CCDC25: variants seen among roughly 807,000 people sequenced by gnomAD.
CCDC25 encodes the protein coiled-coil domain-containing protein 25.
Under a neutral mutation model 35.3 loss-of-function variants are expected in CCDC25, and 16 were observed. The ratio of observed to expected loss-of-function variants is 0.45; its 90% CI spans 0.31 to 0.69. CCDC25 has a LOEUF of 0.69. CCDC25 is among the 30% of genes least tolerant of loss of function. The pLI is 0.06. For missense variants in CCDC25, 179 were observed against 250.7 expected (o/e 0.71, Z 1.93); for synonymous variants, 79 against 80.3 (o/e 0.98, Z 0.09).
At chr8:27,740,407 C>T (rs1803394916) in intron 8 of CCDC25, 65 bp downstream of exon 8, 1 of 1,499,176 alleles carries the variant, frequency 6.7e-7, no homozygotes, top group East Asian at 2.3e-5. Flanking sequence ...GCCAGTAACA[C>T]AATTATTAAA....
chr8:27,753,609 T>C (rs1416815168), intron 4 of CCDC25, among the ~76,000 whole-genome samples: 1 of 152,188 alleles, frequency 6.6e-6, no homozygotes, highest in Non-Finnish European at 1.5e-5. Flanking sequence ...GAACTTGTAT[T>C]CAAACAAATA....
chr8:27,760,650 A>T (rs1804195299), intron 3 of CCDC25, among the ~76,000 whole-genome samples: 1 of 152,194 alleles, frequency 6.6e-6, no homozygotes, highest in Non-Finnish European at 1.5e-5. Context: ...CATTGTCCTC[A>T]TACAGCTTAC....
At chr8:27,759,288 A>G (rs1436955027) in intron 3 of CCDC25, among the ~76,000 whole-genome samples, 1 of 152,136 alleles carries the variant, frequency 6.6e-6, no homozygotes, top group Non-Finnish European at 1.5e-5. Context: ...GTAAATACAC[A>G]CTATTTCTAT....
chr8:27,740,340 G>T, intron 8 of CCDC25, 132 bp downstream of exon 8: 1 of 771,270 alleles, frequency 1.3e-6, no homozygotes, highest in Non-Finnish European at 2.2e-6. Context: ...TCCAGCCTGA[G>T]TGGTGTCCTG....
intron 5 of CCDC25, among the ~76,000 whole-genome samples, chr8:27,750,047 T>TG (rs1210277043): frequency 2.6e-5 from 4 of 152,198 alleles, no homozygotes; most frequent in African/African-American, 9.6e-5. Flanking sequence ...CAAGGCACTG[T>TG]GGGGGACACA....
chr8:27,772,283 T>C (rs568773569), intron 1 of CCDC25, among the ~76,000 whole-genome samples: 2 of 152,110 alleles, frequency 1.3e-5, no homozygotes, highest in Admixed American at 6.5e-5. Context: ...GATACAAACA[T>C]AGCAGTGGCA....
intron 1 of CCDC25, among the ~76,000 whole-genome samples, chr8:27,769,305 GA>G (rs150899821): frequency 4.0e-5 from 6 of 149,648 alleles, no homozygotes; most frequent in African/African-American, 9.8e-5. Flanking sequence ...GGAAGTCAAT[GA>G]AAAAAAAACA....
chr8:27,747,036 A>G (rs1803626852), intron 7 of CCDC25, among the ~76,000 whole-genome samples: 1 of 152,226 alleles, frequency 6.6e-6, no homozygotes, highest in South Asian at 2.1e-4. Context: ...AAATAAACAA[A>G]CATGGAAAAA....
intron 3 of CCDC25, among the ~76,000 whole-genome samples, chr8:27,757,072 G>A (rs144671891): frequency 1.1e-4 from 17 of 152,304 alleles, no homozygotes; most frequent in African/African-American, 3.6e-4. Flanking sequence ...AGTGATCAAA[G>A]GCTTCATGAT....
rs1305080234 is a variant in CCDC25 at position 27,737,387 on chromosome 8, TGTCATCAACGAAA to T, written c.598-1155_598-1143del. Among the ~76,000 whole-genome samples the T allele has an allele frequency of 6.6e-6, 1 of 152,182 alleles. No individual in the cohort carries two copies. Among genetic ancestry groups the T allele is most frequent in the Admixed American group, 6.6e-5 (1 of 15,264 alleles). The stretch of plus-strand genomic sequence containing the variant: ...AACAACTCAGTAAGACAGTCTGGGT[TGTCATCAACGAAA>T]GTAAGCCATTCCCTATAAAGGCTGT... On this transcript the variant is annotated intron_variant, in intron 8 of 8. Coordinates refer to ENST00000356537, the MANE Select transcript of CCDC25 (RefSeq NM_018246.3). This position sits in a 1 kb window ranked among gnomAD's most constrained non-coding sequence, Gnocchi z 4.6.
At chr8:27,754,846 C>T (rs1400837424) in intron 4 of CCDC25, among the ~76,000 whole-genome samples, 1 of 152,150 alleles carries the variant, frequency 6.6e-6, no homozygotes, top group Non-Finnish European at 1.5e-5. Context: ...TCAGAGCCAT[C>T]CCCATGAGCT....
In CCDC25 at chr8:27,735,940, G is replaced by A; in HGVS notation, c.*276C>T. 3.1e-6 allele frequency: 1 copy of A among 324,626 alleles called. No homozygotes were observed. Among genetic ancestry groups the A allele is most frequent in the Non-Finnish European group, 5.6e-6 (1 of 178,936 alleles). 20.1% of individuals were successfully genotyped at this position (324,626 alleles called of 1,614,324 possible). A position where few individuals can be genotyped will look rare whatever the true frequency, so the allele number is the denominator to read the frequency against. ...TTTAAAGTCTATCTCAAGAACAAGG[G>A]CAGCCTGCTTTCACAAGGTACCAAG... On this transcript the variant is annotated 3_prime_UTR_variant, in exon 9 of 9. Transcript: ENST00000356537.
At chr8:27,764,411 G>C in intron 2 of CCDC25, 1 of 340,466 alleles carries the variant, frequency 2.9e-6, no homozygotes, top group South Asian at 2.2e-5. Context: ...AAGGACAACA[G>C]GTGTGTGTCA....
intron 2 of CCDC25, chr8:27,764,431 G>C: frequency 5.4e-6 from 2 of 369,858 alleles, no homozygotes; most frequent in Non-Finnish European, 1.1e-5. Context: ...ACTATGCCCA[G>C]CTAATATTTT....
At chr8:27,739,194 T>C in intron 8 of CCDC25, among the ~76,000 whole-genome samples, 1 of 152,186 alleles carries the variant, frequency 6.6e-6, no homozygotes, top group East Asian at 1.9e-4. Flanking sequence ...AATTCAAAGC[T>C]CTATTTAATT....
chr8:27,748,370 G>GT, intron 6 of CCDC25, 91 bp from the exon 7 acceptor site: 1 of 1,359,622 alleles, frequency 7.4e-7, no homozygotes, highest in South Asian at 1.2e-5. Context: ...TAGCAACCCA[G>GT]TTTAATTCCC....
intron 1 of CCDC25, 133 bp downstream of exon 1, chr8:27,772,380 G>T: frequency 1.2e-6 from 1 of 836,306 alleles, no homozygotes; most frequent in Non-Finnish European, 2.0e-6. Context: ...CTGGGGGACC[G>T]AGAGGCCGCG....
intron 1 of CCDC25, among the ~76,000 whole-genome samples, chr8:27,766,256 T>C (rs774957225): frequency 1.1e-4 from 16 of 152,238 alleles, no homozygotes; most frequent in Non-Finnish European, 2.4e-4. Flanking sequence ...AACAGCCTGC[T>C]GGCTATCACT....
intron 7 of CCDC25, 72 bp from the exon 8 acceptor site, chr8:27,740,589 C>G (rs1423642049): frequency 7.4e-7 from 1 of 1,357,494 alleles, no homozygotes; most frequent in African/African-American, 1.4e-5. Context: ...ATGAACATTT[C>G]CTGTGTATCC....
Sources: gnomAD v4.1 joint callset for allele counts (sites outside exome capture counted in the v4.1 genomes callset) on GRCh38, gnomAD v4.1.1 for gene constraint, Gnocchi (gnomAD v3.1) non-coding constraint, MANE v1.5 for transcripts, NCBI Gene and HGNC (gene_info 2026-07-23, HGNC 2026-07-21) for gene names.